NEFH: variants seen among roughly 807,000 people sequenced by gnomAD.
NEFH encodes the protein neurofilament heavy chain.
Under a neutral mutation model 56.6 loss-of-function variants are expected in NEFH, and 58 were observed. The ratio of observed to expected loss-of-function variants is 1.03; its 90% CI spans 0.83 to 1.28. The LOEUF is 1.28. Ranked by LOEUF, NEFH falls within the 50% of genes most tolerant of loss-of-function variation. NEFH has a pLI of 0.00. For synonymous variants in NEFH, 542 were observed against 545.8 expected (o/e 0.99, Z 0.10); for missense variants, 1,221 against 1,307.6 (o/e 0.93, Z 1.02).
rs1061373 is a variant in NEFH, at chr22:29,490,904, G to T, written c.*201G>T. The T allele has an allele frequency of 0.64, 624,927 of 971,498 alleles. 202,800 individuals carry two copies. The highest frequency in any genetic ancestry group is 0.88 in the East Asian group (33,272 of 37,896). 60.2% of individuals were successfully genotyped at this position (971,498 alleles called of 1,614,324 possible). On this transcript the variant is annotated 3_prime_UTR_variant, in exon 4 of 4. Transcript: ENST00000310624. ...GGGCACTCCCAGGCCCCTGCCCCCA[G>T]GCCCTCCCCAGGCGATGGACAATTA...
intron 3 of NEFH, among the ~76,000 whole-genome samples, chr22:29,488,479 T>A (rs2063056637): frequency 6.6e-6 from 1 of 152,198 alleles, no homozygotes; most frequent in South Asian, 2.1e-4. Flanking sequence ...TAACTTTTGT[T>A]AAATTTATTT....
At chr22:29,488,647 C>T (rs2063057512) in intron 3 of NEFH, among the ~76,000 whole-genome samples, 1 of 152,064 alleles carries the variant, frequency 6.6e-6, no homozygotes, top group Non-Finnish European at 1.5e-5. Context: ...AGACCAGTCC[C>T]ACCGGGGTAC....
At position 29,481,160 on chromosome 22, in the gene NEFH, G is replaced by A; in HGVS notation, c.883+15G>A. ...GTGGTTCCGAGGTACGCAGGCGCGC[G>A]GGTGGGGGGAGGGGCGCCCCTGCTG... On this transcript the variant is annotated intron_variant, in intron 1 of 3. Transcript: ENST00000310624. 1.3e-6 allele frequency: 2 copies of A among 1,530,552 alleles called. No individual in the cohort carries two copies. The highest frequency in any genetic ancestry group is 1.2e-5 in the South Asian group (1 of 83,800). The allele number at this position is 1,530,552 out of a possible 1,614,324, so 94.8% of individuals were successfully genotyped here.
intron 2 of NEFH, among the ~76,000 whole-genome samples, chr22:29,484,505 G>C (rs1317251631): frequency 6.6e-6 from 1 of 152,044 alleles, no homozygotes; most frequent in Non-Finnish European, 1.5e-5. Flanking sequence ...AACTGGGCAT[G>C]GTGGTGCGTG....
rs750569231 is a variant in NEFH at position 29,489,319 on chromosome 22, C to T, written c.1679C>T (p.Ser560Leu). ...AKSPAKEEAK[S>L]PPEAKSPEKE... The stretch of plus-strand genomic sequence containing the variant: ...TCTCCAGCAAAGGAAGAGGCAAAGT[C>T]ACCGCCTGAGGCCAAGTCCCCAGAG... The change falls in exon 4 of 4, where the codon TCA becomes TTA. Residue 560 changes from serine to leucine, a missense_variant. Coordinates refer to ENST00000310624, the MANE Select transcript of NEFH (RefSeq NM_021076.4). The T allele has an allele frequency of 2.2e-5, 36 of 1,612,098 alleles. No individual in the cohort carries two copies. The highest frequency in any genetic ancestry group is 2.9e-5 in the Non-Finnish European group (34 of 1,179,842).
intron 1 of NEFH, among the ~76,000 whole-genome samples, chr22:29,481,435 T>G (rs1322132727): frequency 6.6e-6 from 1 of 152,114 alleles, no homozygotes; most frequent in African/African-American, 2.4e-5. Flanking sequence ...GACCCCACTC[T>G]GAGATCCCTC....
chr22:29,484,895 C>G (rs566334659), intron 2 of NEFH, among the ~76,000 whole-genome samples: 38 of 151,846 alleles, frequency 2.5e-4, no homozygotes, highest in South Asian at 4.2e-4. Context: ...AATGTGACAG[C>G]GAGATCATAG....
Position 29,489,103 on chromosome 22 carries a change from G to C in NEFH, c.1463G>C (p.Gly488Ala), listed in dbSNP as rs1052567626. 2 of 1,613,164 alleles carry C rather than the reference G, an allele frequency of 1.2e-6. No individual in the cohort carries two copies. The highest frequency in any genetic ancestry group is 1.3e-5 in the African/African-American group (1 of 74,900). Residue 488 changes from glycine (G) to alanine (A), a missense_variant, in exon 4 of 4, where the codon GGG becomes GCG. Around this residue, in one of 4 missense-constraint regions of NEFH, gnomAD observed 243 missense variants for 299.1 expected, o/e 0.81. Coordinates refer to ENST00000310624, the MANE Select transcript of NEFH (RefSeq NM_021076.4). ...GAGGAGGAGGGCAAGGAGGAAGAAG[G>C]GGGTGAAGAAGAGGAGGCAGAAGGG... ...AKEEEGKEEE[G>A]GEEEEAEGGE...
Position 29,491,112 on chromosome 22 carries a change from C to T in NEFH, c.*409C>T. 3.0e-6 allele frequency: 1 copy of T among 337,700 alleles called. No homozygotes were observed. Among genetic ancestry groups the T allele is most frequent in the Admixed American group, 4.4e-5 (1 of 22,748 alleles). The allele number at this position is 337,700 out of a possible 1,614,324, so 20.9% of individuals were successfully genotyped here. ...ATGCTTGAGATGTCTTAACCTATTC[C>T]CAAATGCCTTCTGTTTTCCAAAGGA... On this transcript the variant is annotated 3_prime_UTR_variant, in exon 4 of 4. Coordinates refer to ENST00000310624, the MANE Select transcript of NEFH (RefSeq NM_021076.4).
At chr22:29,481,184 T>G in intron 1 of NEFH, 39 bp downstream of exon 1, 1 of 1,523,606 alleles carries the variant, frequency 6.6e-7, no homozygotes, top group Non-Finnish European at 8.8e-7. Context: ...GCGCCCCTGC[T>G]GACCCCGCAG....
At chr22:29,485,593 G>A (rs1050218614) in intron 2 of NEFH, 130 bp from the exon 3 acceptor site, 16 of 1,096,096 alleles carry the variant, frequency 1.5e-5, no homozygotes, top group South Asian at 6.7e-5. Flanking sequence ...AGCTCTGGCA[G>A]GGTTGGGGTT....
In NEFH at chr22:29,481,163, T is replaced by TGGGGGGGG; in HGVS notation, c.883+24_883+25insGGGGGGGG. ...GTTCCGAGGTACGCAGGCGCGCGGG[T>TGGGGGGGG]GGGGGGAGGGGCGCCCCTGCTGACC... On this transcript the variant is annotated intron_variant, in intron 1 of 3. Transcript: ENST00000310624. The TGGGGGGGG allele has an allele frequency of 2.9e-6, 3 of 1,038,796 alleles. No individual in the cohort carries two copies. The highest frequency in any genetic ancestry group is 1.7e-5 in the South Asian group (1 of 58,816). 64.3% of individuals were successfully genotyped at this position (1,038,796 alleles called of 1,614,324 possible).
In NEFH at chr22:29,489,580, A is replaced by AGTCCCCTGAGAAGGCCAG. The variant is rs1219537960; in HGVS notation, c.1957_1958insGGTCCCCTGAGAAGGCCA (p.Ala652_Lys653insArgSerProGluLysAla). 5 of 1,613,164 alleles carry AGTCCCCTGAGAAGGCCAG rather than the reference A, an allele frequency of 3.1e-6. No homozygotes were observed. The South Asian group carries it at 5.5e-5, about 18-fold the overall frequency. On this transcript the variant is annotated inframe_insertion, in exon 4 of 4. Transcript: ENST00000310624. Reference sequence around the variant, plus strand: ...AAGTCTCCAACGAAGGAGGAAGCAAAGTCCCCTGAGAAGGCCAAGTCCCCA... The same window carrying AGTCCCCTGAGAAGGCCAG: ...AAGTCTCCAACGAAGGAGGAAGCAAAGTCCCCTGAGAAGGCCAGGTCCCCTGAGAAGGCCAAGTCCCCA...
chr22:29,483,276 CAAA>C (rs144426244), intron 1 of NEFH, 96 bp from the exon 2 acceptor site: 977 of 925,208 alleles, frequency 1.1e-3, no homozygotes, highest in South Asian at 1.3e-3. Flanking sequence ...GAATCCGTCT[CAAA>C]AAAAAAAAAA....
In NEFH at chr22:29,489,721, C is replaced by T. The variant is rs752635950; in HGVS notation, c.2081C>T (p.Ala694Val). 3 of 1,610,362 alleles carry T rather than the reference C, an allele frequency of 1.9e-6. No individual in the cohort carries two copies. The highest frequency in any genetic ancestry group is 1.4e-5 in the African/African-American group (1 of 73,476). Reference sequence around the variant, plus strand: ...GCAGAAGCAAAGTCCCCTGAGAAGGCCAAGTCCCCAGTGAAGGAAGAAGCA... The same window carrying T: ...GCAGAAGCAAAGTCCCCTGAGAAGGTCAAGTCCCCAGTGAAGGAAGAAGCA... ...VKAEAKSPEK[A>V]KSPVKEEAKS... The change falls in exon 4 of 4, where the codon GCC becomes GTC. Residue 694 changes from alanine (A) to valine (V), a missense_variant. Around this residue, in one of 4 missense-constraint regions of NEFH, gnomAD observed 37 missense variants for 106.4 expected, o/e 0.35. Transcript: ENST00000310624.
Position 29,480,269 on chromosome 22 carries a change from A to T in NEFH, c.7A>T (p.Ser3Cys). 1 of 1,510,764 alleles carries T rather than the reference A, an allele frequency of 6.6e-7. No homozygotes were observed. The highest frequency in any genetic ancestry group is 8.8e-7 in the Non-Finnish European group (1 of 1,138,504). The allele number at this position is 1,510,764 out of a possible 1,614,324, so 93.6% of individuals were successfully genotyped here. A position where few individuals can be genotyped will look rare whatever the true frequency, so the allele number is the denominator to read the frequency against. The change falls in exon 1 of 4, where the codon AGC becomes TGC. Residue 3 changes from serine to cysteine, a missense_variant. Physicochemically the swap from Ser to Cys is moderately radical, Grantham distance 112 (BLOSUM62 -1). Around this residue, in one of 4 missense-constraint regions of NEFH, gnomAD observed 640 missense variants for 555.5 expected, o/e 1.15. Transcript: ENST00000310624. ...TCGCGCACCTGCTCAGGCCATGATG[A>T]GCTTCGGCGGCGCGGACGCGCTGCT... is the stretch of plus-strand genomic sequence containing the variant. MM[S>C]FGGADALLGA...
At chr22:29,485,331 G>C (rs954110819) in intron 2 of NEFH, among the ~76,000 whole-genome samples, 1 of 152,276 alleles carries the variant, frequency 6.6e-6, no homozygotes, top group East Asian at 1.9e-4. Context: ...TCAAACTCCT[G>C]ACCTCAAGTG....
At chr22:29,485,686 TG>T in intron 2 of NEFH, 36 bp from the exon 3 acceptor site, 1 of 1,606,832 alleles carries the variant, frequency 6.2e-7, no homozygotes, top group Non-Finnish European at 8.5e-7. Context: ...GGCCAGACAC[TG>T]GCTGGCATGT....
intron 2 of NEFH, among the ~76,000 whole-genome samples, chr22:29,484,046 C>T (rs2063029518): frequency 6.6e-6 from 1 of 151,938 alleles, no homozygotes; most frequent in East Asian, 1.9e-4. Flanking sequence ...GACAGGGTTT[C>T]ACCATGTTGG....
Sources: allele counts gnomAD v4.1 joint callset (sites outside exome capture counted in the v4.1 genomes callset), GRCh38; gene constraint gnomAD v4.1.1; regional missense constraint gnomAD v4.1.1; transcripts MANE v1.5; gene names NCBI Gene and HGNC (gene_info 2026-07-23, HGNC 2026-07-21).